Variants in EPM2A observed in about 807,000 individuals in gnomAD.
EPM2A encodes EPM2A glucan phosphatase, laforin, also known as laforin.
A neutral mutation model predicts 26.5 loss-of-function variants in EPM2A; 21 were observed. That is an observed-to-expected ratio of 0.79 (90% CI 0.56 to 1.14). The LOEUF (loss-of-function observed/expected upper bound fraction) is 1.14, where lower values mean the gene tolerates loss of function less well. Among genes scored for constraint, EPM2A ranks in the 50% most tolerant of loss-of-function variants. The probability of loss-of-function intolerance (pLI) is 0.00; values close to 1 mark genes in which losing one functional copy is unlikely to be tolerated. For synonymous variants in EPM2A, 217 were observed against 177.6 expected (o/e 1.22, Z -1.76); for missense variants, 458 against 440.8 (o/e 1.04, Z -0.35).
At chr6:145,721,991 C>T (rs970032238) in intron 1 of EPM2A, among the ~76,000 whole-genome samples, 1 of 152,154 alleles carries the variant, frequency 6.6e-6, no homozygotes, top group African/African-American at 2.4e-5. Flanking sequence ...ATTAGAACCT[C>T]CATTCTGCTT....
intron 4 of EPM2A, among the ~76,000 whole-genome samples, chr6:145,465,647 G>T (rs1204090414): frequency 6.6e-6 from 1 of 151,608 alleles, no homozygotes; most frequent in Non-Finnish European, 1.5e-5. Flanking sequence ...ATGGGTTTTT[G>T]GTGTGGATGT....
chr6:145,495,336 G>C (rs1008870892), intron 4 of EPM2A, among the ~76,000 whole-genome samples: 16 of 142,982 alleles, frequency 1.1e-4, no homozygotes, highest in African/African-American at 3.6e-4. Flanking sequence ...TTTTCCATTT[G>C]CTTGGTAAAT....
At chr6:145,496,728 A>ATGTTTTTTTTTTTTTTTTTTT (rs779194973), downstream of EPM2A, among the ~76,000 whole-genome samples, 51 of 106,892 alleles carry the variant, frequency 4.8e-4, 12 homozygotes, top group Non-Finnish European at 5.5e-4. Flanking sequence ...AGTTCCTGCA[A>ATGTTTTTTTTTTTTTTTTTTT]TTTTTTTTTT....
intron 2 of EPM2A, among the ~76,000 whole-genome samples, chr6:145,651,250 C>T (rs761148525): frequency 6.6e-6 from 1 of 152,150 alleles, no homozygotes; most frequent in Non-Finnish European, 1.5e-5. Context: ...TAATTTACCA[C>T]CAAAGCCATA....
At chr6:145,724,451 G>A (rs1219125104) in intron 1 of EPM2A, among the ~76,000 whole-genome samples, 6 of 152,108 alleles carry the variant, frequency 3.9e-5, no homozygotes, top group Admixed American at 2.6e-4. Context: ...TTCTGAACTC[G>A]ATCTATAGCT....
intron 4 of EPM2A, among the ~76,000 whole-genome samples, chr6:145,419,068 C>T (rs549361443): frequency 6.6e-6 from 1 of 152,234 alleles, no homozygotes; most frequent in South Asian, 2.1e-4. Context: ...TTTGTTCCCA[C>T]GTGACTTTAC....
At chr6:145,590,824 C>A (rs561770216) in intron 2 of EPM2A, among the ~76,000 whole-genome samples, 23 of 152,094 alleles carry the variant, frequency 1.5e-4, no homozygotes, top group Non-Finnish European at 2.6e-4. Flanking sequence ...TTCAAAAAAT[C>A]ATAATAATAA....
intron 4 of EPM2A, among the ~76,000 whole-genome samples, chr6:145,464,120 G>A (rs1300701993): frequency 6.6e-6 from 1 of 152,018 alleles, no homozygotes; most frequent in Non-Finnish European, 1.5e-5. Flanking sequence ...ATCAAGGGAG[G>A]GAGGTAATTG....
chr6:145,655,563 A>G (rs1778216930), intron 2 of EPM2A, among the ~76,000 whole-genome samples: 1 of 152,174 alleles, frequency 6.6e-6, no homozygotes, highest in Non-Finnish European at 1.5e-5. Flanking sequence ...ATATTTACAA[A>G]ACAAAATTAC....
chr6:145,580,695 A>G (rs534925064), intron 2 of EPM2A, among the ~76,000 whole-genome samples: 25 of 151,900 alleles, frequency 1.6e-4, no homozygotes, highest in Non-Finnish European at 3.2e-4. Context: ...AGTGGGCCCC[A>G]GTTTCTATTT....
intron 4 of EPM2A, among the ~76,000 whole-genome samples, chr6:145,444,410 A>G (rs1335949397): frequency 6.6e-6 from 1 of 152,236 alleles, no homozygotes; most frequent in Non-Finnish European, 1.5e-5. Flanking sequence ...ATCTATTTGC[A>G]TAGGTCGAAC....
chr6:145,567,782 C>T (rs1373294658), intron 2 of EPM2A, among the ~76,000 whole-genome samples: 1 of 152,202 alleles, frequency 6.6e-6, no homozygotes, highest in Admixed American at 6.5e-5. Flanking sequence ...AAAGCTAGTG[C>T]TTCACATTCT....
chr6:145,440,650 C>A (rs1779049933), intron 4 of EPM2A, among the ~76,000 whole-genome samples: 1 of 152,180 alleles, frequency 6.6e-6, no homozygotes, highest in South Asian at 2.1e-4. Context: ...TTAAATACAA[C>A]CATTCCAAAT....
chr6:145,611,502 G>T (rs541835128), intron 2 of EPM2A, among the ~76,000 whole-genome samples: 2 of 151,966 alleles, frequency 1.3e-5, no homozygotes, highest in Non-Finnish European at 2.9e-5. Flanking sequence ...TATAGGAATA[G>T]AAATATTTTA....
At chr6:145,592,514 G>A (rs979735046) in intron 2 of EPM2A, among the ~76,000 whole-genome samples, 1 of 152,026 alleles carries the variant, frequency 6.6e-6, no homozygotes, top group Admixed American at 6.6e-5. Flanking sequence ...ATAATCCTTT[G>A]GGTATATACC....
intron 3 of EPM2A, chr6:145,631,734 G>C (rs528261931): frequency 6.6e-6 from 1 of 152,328 alleles, no homozygotes; most frequent in African/African-American, 2.4e-5. Context: ...ATTTGGGCAG[G>C]TAAGTCAAGT....
chr6:145,559,446 T>A (rs1780775228), intron 2 of EPM2A, among the ~76,000 whole-genome samples: 1 of 152,122 alleles, frequency 6.6e-6, no homozygotes, highest in Non-Finnish European at 1.5e-5. Context: ...AATAGCAGAC[T>A]GTGTGAAAAT....
At chr6:145,691,098 A>G (rs1399537469) in intron 1 of EPM2A, among the ~76,000 whole-genome samples, 1 of 152,186 alleles carries the variant, frequency 6.6e-6, no homozygotes, top group Non-Finnish European at 1.5e-5. Flanking sequence ...ACTTAAGAAA[A>G]TAATGCCGGA....
chr6:145,672,318 C>T (rs702307), intron 2 of EPM2A, among the ~76,000 whole-genome samples: 11 of 151,940 alleles, frequency 7.2e-5, no homozygotes, highest in African/African-American at 2.7e-4. Context: ...TTAAAACACA[C>T]GCCCCTAAGG....
Sources: allele counts gnomAD v4.1 joint callset (sites outside exome capture counted in the v4.1 genomes callset), GRCh38; gene constraint gnomAD v4.1.1; transcripts MANE v1.5; gene names NCBI Gene and HGNC (gene_info 2026-07-23, HGNC 2026-07-21).